The following AKAP12 variants were observed in gnomAD, a reference collection of about 807,000 sequenced individuals.
AKAP12 encodes A-kinase anchoring protein 12.
In AKAP12, 32 loss-of-function variants were observed where a neutral mutation model predicts 79.9. The ratio of observed to expected loss-of-function variants is 0.40; its 90% CI spans 0.30 to 0.54. The LOEUF (loss-of-function observed/expected upper bound fraction) is 0.54, where lower values mean the gene tolerates loss of function less well. Ranked by LOEUF, AKAP12 falls within the 20% of genes least tolerant of loss-of-function variation. The pLI is 0.48. For missense variants in AKAP12, 2,074 were observed against 2,177.0 expected, an observed-to-expected ratio of 0.95 and a Z score of 0.94; for synonymous variants, 808 against 857.0, an observed-to-expected ratio of 0.94 and a Z score of 1.00.
intron 2 of AKAP12, among the ~76,000 whole-genome samples, chr6:151,258,305 T>TTGC (rs1354253622): frequency 1.3e-5 from 2 of 152,230 alleles, no homozygotes; most frequent in African/African-American, 2.4e-5. Context: ...CACGAGTTTG[T>TTGC]TGCTTTTTAT....
intron 2 of AKAP12, among the ~76,000 whole-genome samples, chr6:151,271,911 C>T (rs898401051): frequency 3.9e-5 from 6 of 152,184 alleles, no homozygotes; most frequent in African/African-American, 1.2e-4. Context: ...CCACCCACCT[C>T]GGCCTCCCAA....
rs758477900 is a variant in AKAP12 at position 151,349,949 on chromosome 6, T to C, written c.1558T>C (p.Phe520Leu). The C allele has an allele frequency of 6.2e-7, 1 of 1,613,992 alleles. No homozygotes were observed. Among genetic ancestry groups the C allele is most frequent in the South Asian group, 1.1e-5 (1 of 91,054 alleles). The change falls in exon 4 of 5, where the codon TTT becomes CTT. Residue 520 changes from phenylalanine to leucine, a missense_variant. Coordinates refer to ENST00000402676, the MANE Select transcript of AKAP12 (RefSeq NM_005100.4). ...GCAGGGAAGTCCACTAAAGAAGCTT[T>C]TTACCAGCACTGGCTTAAAAAAGCT... is the stretch of plus-strand genomic sequence containing the variant. ...KVQGSPLKKL[F>L]TSTGLKKLSG...
chr6:151,326,500 A>AG (rs1307297440), intron 3 of AKAP12, among the ~76,000 whole-genome samples: 3 of 144,548 alleles, frequency 2.1e-5, no homozygotes, highest in Non-Finnish European at 3.0e-5. Flanking sequence ...AAAAAAAAAA[A>AG]AAAAAAGAAA....
At chr6:151,268,945 G>GTTTTTTTTTTTTTTTT (rs558502756) in intron 2 of AKAP12, among the ~76,000 whole-genome samples, 1 of 77,416 alleles carries the variant, frequency 1.3e-5, no homozygotes, top group African/African-American at 5.1e-5. Context: ...TGCTCGGCCT[G>GTTTTTTTTTTTTTTTT]TTTTTTTTTT....
At chr6:151,257,108 G>A (rs922566955) in intron 2 of AKAP12, among the ~76,000 whole-genome samples, 1 of 151,946 alleles carries the variant, frequency 6.6e-6, no homozygotes, top group African/African-American at 2.4e-5. Context: ...TGTTAGCTAG[G>A]TATATAGTGT....
At chr6:151,335,587 T>G (rs1374598102) in intron 3 of AKAP12, among the ~76,000 whole-genome samples, 1 of 152,172 alleles carries the variant, frequency 6.6e-6, no homozygotes, top group Non-Finnish European at 1.5e-5. Flanking sequence ...TCCTCCTGCC[T>G]CAGCCTCTCA....
Position 151,352,204 on chromosome 6 carries a change from T to G in AKAP12, c.3813T>G (p.Ala1271=), listed in dbSNP as rs1266592705. ...TEGTQEADQY[A]DEKTKDVPFF... is the part of the protein sequence containing the mutation. Reference sequence around the variant, plus strand: ...GGACTCAAGAGGCTGACCAGTATGCTGATGAGAAAACCAAAGACGTACCAT... The same window carrying G: ...GGACTCAAGAGGCTGACCAGTATGCGGATGAGAAAACCAAAGACGTACCAT... Residue 1271 remains alanine (A), a synonymous_variant, in exon 4 of 5, where the codon GCT becomes GCG. Coordinates refer to ENST00000402676, the MANE Select transcript of AKAP12 (RefSeq NM_005100.4). 1.2e-6 allele frequency: 2 copies of G among 1,614,020 alleles called. No individual in the cohort carries two copies. Among genetic ancestry groups the G allele is most frequent in the Non-Finnish European group, 1.7e-6 (2 of 1,180,040 alleles).
intron 3 of AKAP12, chr6:151,324,536 C>T (rs1417757914): frequency 7.1e-6 from 7 of 985,282 alleles, no homozygotes; most frequent in South Asian, 4.7e-5. Context: ...CTGTGGTCTA[C>T]GCCGAGGCTC....
intron 3 of AKAP12, among the ~76,000 whole-genome samples, chr6:151,322,400 C>T (rs549492233): frequency 1.3e-5 from 2 of 152,294 alleles, no homozygotes; most frequent in South Asian, 4.1e-4. Context: ...AAGTCTTTAA[C>T]ATGTCATTCA....
intron 2 of AKAP12, among the ~76,000 whole-genome samples, chr6:151,247,840 C>A (rs1284885753): frequency 6.6e-6 from 1 of 152,160 alleles, no homozygotes; most frequent in African/African-American, 2.4e-5. Context: ...GTGTTCAAAG[C>A]ACAGGAAACC....
chr6:151,246,680 G>C (rs182365271), intron 2 of AKAP12, among the ~76,000 whole-genome samples: 165 of 152,182 alleles, frequency 1.1e-3, no homozygotes, highest in Admixed American at 2.3e-3. Context: ...TCATGCACTG[G>C]TCTGGCTGTC....
At chr6:151,354,727 C>T (rs1323430597) in intron 4 of AKAP12, among the ~76,000 whole-genome samples, 2 of 151,858 alleles carry the variant, frequency 1.3e-5, no homozygotes, top group Non-Finnish European at 2.9e-5. Context: ...GCTGGAATGC[C>T]GTGGTGCAAT....
At chr6:151,329,836 C>T (rs866376722) in intron 3 of AKAP12, among the ~76,000 whole-genome samples, 3 of 152,062 alleles carry the variant, frequency 2.0e-5, no homozygotes, top group Non-Finnish European at 4.4e-5. Flanking sequence ...TTCTGTAACC[C>T]CATTTCTATC....
At chr6:151,322,703 G>A (rs1013437105) in intron 3 of AKAP12, among the ~76,000 whole-genome samples, 11 of 148,452 alleles carry the variant, frequency 7.4e-5, no homozygotes, top group South Asian at 2.1e-4. Context: ...GCCACTGGGC[G>A]TGTCCACCAC....
At chr6:151,293,794 G>C (rs1270107264) in intron 2 of AKAP12, among the ~76,000 whole-genome samples, 2 of 152,128 alleles carry the variant, frequency 1.3e-5, no homozygotes, top group African/African-American at 4.8e-5. Context: ...GGAATTGCCG[G>C]ATTACATATT....
chr6:151,304,488 C>CAAAAAAAAAAAAAAAAAAAAAAAAA (rs1157088954), intron 2 of AKAP12, among the ~76,000 whole-genome samples: 28 of 46,004 alleles, frequency 6.1e-4, no homozygotes, highest in Non-Finnish European at 1.0e-3. Flanking sequence ...CACTCCATCT[C>CAAAAAAAAAAAAAAAAAAAAAAAAA]AAAAAAAAAA....
intron 2 of AKAP12, among the ~76,000 whole-genome samples, chr6:151,294,321 G>A (rs969180451): frequency 3.9e-5 from 6 of 152,146 alleles, no homozygotes; most frequent in African/African-American, 1.4e-4. Flanking sequence ...TTCTTAACCA[G>A]GAATGTTATC....
intron 2 of AKAP12, among the ~76,000 whole-genome samples, chr6:151,286,313 A>G (rs1188573831): frequency 1.3e-5 from 2 of 152,228 alleles, no homozygotes; most frequent in Non-Finnish European, 2.9e-5. Context: ...CATTTCAAAT[A>G]AAGTTGGCAA....
At position 151,352,883 on chromosome 6, in the gene AKAP12, TCCGAC is replaced by T; in HGVS notation, c.4494_4498del (p.Asp1499GlyfsTer14). 1 of 1,614,156 alleles carries T rather than the reference TCCGAC, an allele frequency of 6.2e-7. No individual in the cohort carries two copies. Among genetic ancestry groups the T allele is most frequent in the Non-Finnish European group, 8.5e-7 (1 of 1,180,028 alleles). Reference sequence around the variant, plus strand: ...TGCTACTACCAAGAAAGGCTTAAGTTCCGACCTGGAAGGAGAGAAAACCACATCAC... The same window carrying T: ...TGCTACTACCAAGAAAGGCTTAAGTTCTGGAAGGAGAGAAAACCACATCAC... On this transcript the variant is annotated frameshift_variant, in exon 4 of 5. Coordinates refer to ENST00000402676, the MANE Select transcript of AKAP12 (RefSeq NM_005100.4). LOFTEE classifies it low-confidence loss of function (END_TRUNC).
Sources: allele counts gnomAD v4.1 joint callset (sites outside exome capture counted in the v4.1 genomes callset), GRCh38; gene constraint gnomAD v4.1.1; transcripts MANE v1.5; gene names NCBI Gene and HGNC (gene_info 2026-07-23, HGNC 2026-07-21).